Variants in SLC35F3 observed in about 807,000 individuals in gnomAD.
SLC35F3 encodes solute carrier family 35 member F3.
A neutral mutation model predicts 49.9 loss-of-function variants in SLC35F3; 25 were observed. That is an observed-to-expected ratio of 0.50 (90% CI 0.37 to 0.70). The LOEUF (loss-of-function observed/expected upper bound fraction) is 0.70. Ranked by LOEUF, SLC35F3 falls within the 30% of genes least tolerant of loss-of-function variation. The pLI is 0.00. For missense variants in SLC35F3, 525 were observed against 639.8 expected, an observed-to-expected ratio of 0.82 and a Z score of 1.94; for synonymous variants, 275 against 265.4, an observed-to-expected ratio of 1.04 and a Z score of -0.35.
chr1:234,208,549 G>A (rs491673), intron 2 of SLC35F3, among the ~76,000 whole-genome samples: 96,028 of 152,054 alleles, frequency 0.63, 30,807 homozygotes, highest in East Asian at 0.99. Flanking sequence ...TGAGGGTCAC[G>A]ATTTCAATAC....
At chr1:233,906,505 G>A (rs569320923) in intron 2 of SLC35F3, among the ~76,000 whole-genome samples, 61 of 152,282 alleles carry the variant, frequency 4.0e-4, no homozygotes, top group African/African-American at 1.5e-3. Context: ...GGTTGATTAT[G>A]ATGAAATCCA....
chr1:233,924,626 A>G (rs1232627947), intron 2 of SLC35F3, among the ~76,000 whole-genome samples: 6 of 151,812 alleles, frequency 4.0e-5, no homozygotes, highest in East Asian at 1.9e-4. Context: ...TTGTTTCTCT[A>G]TCTCCTTCAG....
At chr1:234,274,345 A>G (rs1668162496) in intron 3 of SLC35F3, 1 of 152,230 alleles carries the variant, frequency 6.6e-6, no homozygotes, top group African/African-American at 2.4e-5. Flanking sequence ...GCTGTAACAC[A>G]TAGAGACACT....
chr1:233,962,381 T>C (rs1662818694), intron 2 of SLC35F3, among the ~76,000 whole-genome samples: 1 of 152,230 alleles, frequency 6.6e-6, no homozygotes, highest in African/African-American at 2.4e-5. Context: ...TTATTTACAG[T>C]TCATCTTCAT....
At chr1:234,236,866 G>A (rs1379469403) in intron 3 of SLC35F3, among the ~76,000 whole-genome samples, 2 of 146,416 alleles carry the variant, frequency 1.4e-5, no homozygotes, top group Admixed American at 1.4e-4. Flanking sequence ...GACAATTGTT[G>A]TTCTTGACCC....
chr1:234,078,820 AC>A (rs1335835483), intron 2 of SLC35F3, among the ~76,000 whole-genome samples: 4 of 152,242 alleles, frequency 2.6e-5, no homozygotes, highest in African/African-American at 9.6e-5. Context: ...AAAAGCAGTC[AC>A]TGAACAAGGA....
intron 2 of SLC35F3, among the ~76,000 whole-genome samples, chr1:234,115,311 G>GC (rs1003746299): frequency 2.6e-5 from 4 of 152,164 alleles, no homozygotes; most frequent in African/African-American, 9.7e-5. Context: ...ATCTGCCTAT[G>GC]CGTGGACTTG....
At chr1:234,041,707 C>T (rs1198954178) in intron 2 of SLC35F3, among the ~76,000 whole-genome samples, 1 of 152,168 alleles carries the variant, frequency 6.6e-6, no homozygotes, top group Non-Finnish European at 1.5e-5. Context: ...GACTGCATCA[C>T]AACTTACTTG....
At chr1:234,079,999 A>G (rs2102872169) in intron 2 of SLC35F3, among the ~76,000 whole-genome samples, 1 of 152,290 alleles carries the variant, frequency 6.6e-6, no homozygotes, top group Middle Eastern at 3.4e-3. Context: ...CCTTTCATCA[A>G]TACCTGAGTG....
At chr1:234,099,702 C>T (rs947378194) in intron 2 of SLC35F3, among the ~76,000 whole-genome samples, 6 of 151,762 alleles carry the variant, frequency 4.0e-5, no homozygotes, top group Non-Finnish European at 8.8e-5. Context: ...GTTGCATTCT[C>T]TTCCAACACA....
intron 2 of SLC35F3, among the ~76,000 whole-genome samples, chr1:234,185,265 A>G (rs978401172): frequency 1.3e-5 from 2 of 152,088 alleles, no homozygotes; most frequent in African/African-American, 4.8e-5. Context: ...GGGAGGCAAA[A>G]CCATCACCAG....
chr1:233,905,598 C>G lies in SLC35F3; in HGVS notation c.123C>G (p.Leu41=). Reference sequence around the variant, plus strand: ...ACATCAGCCCCCAGCTCCGGCAGCTCAAGTACTTGGTGGTGGACGAGGCGA... The same window carrying G: ...ACATCAGCCCCCAGCTCCGGCAGCTGAAGTACTTGGTGGTGGACGAGGCGA... ...LSDISPQLRQ[L]KYLVVDEAIK... is the part of the protein sequence containing the mutation. Residue 41 remains leucine, a synonymous_variant, in exon 2 of 8, where the codon CTC becomes CTG. Coordinates refer to ENST00000366618, the MANE Select transcript of SLC35F3 (RefSeq NM_173508.4). 6.2e-7 allele frequency: 1 copy of G among 1,614,176 alleles called. No individual in the cohort carries two copies.
chr1:233,933,960 C>T (rs1021737420), intron 2 of SLC35F3, among the ~76,000 whole-genome samples: 1 of 152,168 alleles, frequency 6.6e-6, no homozygotes, highest in Non-Finnish European at 1.5e-5. Flanking sequence ...TAGAGATCAT[C>T]TAATGTTTTG....
intron 2 of SLC35F3, among the ~76,000 whole-genome samples, chr1:234,224,935 G>A (rs1385864998): frequency 2.0e-5 from 3 of 152,018 alleles, no homozygotes; most frequent in Non-Finnish European, 4.4e-5. Context: ...CTTTACCCAC[G>A]GTCAACACCT....
intron 2 of SLC35F3, among the ~76,000 whole-genome samples, chr1:234,167,665 T>C (rs1292695691): frequency 6.6e-6 from 1 of 152,146 alleles, no homozygotes; most frequent in Non-Finnish European, 1.5e-5. Context: ...AGAGCAGCCG[T>C]CACAAACGCC....
In SLC35F3 at chr1:234,284,472, G is replaced by A. The variant is rs563140534; in HGVS notation, c.609-24629G>A. 4.9e-4 allele frequency among the ~76,000 whole-genome samples: 74 copies of A among 152,252 alleles called. No individual in the cohort carries two copies. The South Asian group carries it at 0.015, about 32-fold the overall frequency. On this transcript the variant is annotated intron_variant, in intron 3 of 7. Coordinates refer to ENST00000366618, the MANE Select transcript of SLC35F3 (RefSeq NM_173508.4). ...CATCTCCCTGTGTGAGTGGTTACTGGAACTATCAGTTTGGTTTCAGATAGG... is the reference window on the plus strand; with the variant it reads ...CATCTCCCTGTGTGAGTGGTTACTGAAACTATCAGTTTGGTTTCAGATAGG...
Position 234,320,008 on chromosome 1 carries a change from A to C in SLC35F3, c.1148-90A>C. ...TTGTAACTCCTATGACTCCAGCCTCATCAGGAAAACCTGGGTCAGATAGGC... is the reference window on the plus strand; with the variant it reads ...TTGTAACTCCTATGACTCCAGCCTCCTCAGGAAAACCTGGGTCAGATAGGC... On this transcript the variant is annotated intron_variant, in intron 6 of 7. Transcript: ENST00000366618. This position sits in a 1 kb window ranked among gnomAD's most constrained non-coding sequence, Gnocchi z 4.8. 1 of 855,250 alleles carries C rather than the reference A, an allele frequency of 1.2e-6. No homozygotes were observed. Among genetic ancestry groups the C allele is most frequent in the Non-Finnish European group, 2.0e-6 (1 of 501,582 alleles). The allele number at this position is 855,250 out of a possible 1,614,324, so 53.0% of individuals were successfully genotyped here.
At chr1:234,205,558 C>G (rs1415181518) in intron 2 of SLC35F3, among the ~76,000 whole-genome samples, 1 of 152,212 alleles carries the variant, frequency 6.6e-6, no homozygotes, top group Non-Finnish European at 1.5e-5. Context: ...CTGGACTCCA[C>G]TAGGGCTCTG....
chr1:233,927,111 T>C (rs924886897), intron 2 of SLC35F3, among the ~76,000 whole-genome samples: 30 of 152,244 alleles, frequency 2.0e-4, no homozygotes, highest in Non-Finnish European at 3.4e-4. Context: ...CAGCATTGAA[T>C]AACATTGTAT....
Sources: gnomAD v4.1 joint callset for allele counts (sites outside exome capture counted in the v4.1 genomes callset) on GRCh38, gnomAD v4.1.1 for gene constraint, Gnocchi (gnomAD v3.1) non-coding constraint, MANE v1.5 for transcripts, NCBI Gene and HGNC (gene_info 2026-07-23, HGNC 2026-07-21) for gene names.